ZNF610: variants seen among roughly 807,000 people sequenced by gnomAD.
ZNF610 encodes the protein zinc finger protein 610.
A neutral mutation model predicts 14.1 loss-of-function variants in ZNF610; 14 were observed. The ratio of observed to expected loss-of-function variants is 0.99; its 90% CI spans 0.65 to 1.55. ZNF610 has a LOEUF of 1.55. Ranked by LOEUF, ZNF610 falls within the 40% of genes most tolerant of loss-of-function variation. The pLI is 0.00. For synonymous variants in ZNF610, 185 were observed against 187.6 expected, an observed-to-expected ratio of 0.99 and a Z score of 0.11; for missense variants, 530 against 558.0, an observed-to-expected ratio of 0.95 and a Z score of 0.51.
In ZNF610 at chr19:52,353,820, T is replaced by C; in HGVS notation, c.190+12T>C. ...CCTGGTCTTTCTGGGTGAGGATGAC[T>C]TCCCTCCAGAAGCCGGGATCTGCTC... is the stretch of plus-strand genomic sequence containing the variant. On this transcript the variant is annotated intron_variant, in intron 4 of 5. Transcript: ENST00000403906. The C allele has an allele frequency of 6.2e-7, 1 of 1,606,462 alleles. No homozygotes were observed. The highest frequency in any genetic ancestry group is 8.5e-7 in the Non-Finnish European group (1 of 1,177,738).
At position 52,352,379 on chromosome 19, in the gene ZNF610, C is replaced by T. The variant is rs573435538; in HGVS notation, c.64-1303C>T. 3.9e-5 allele frequency among the ~76,000 whole-genome samples: 6 copies of T among 152,202 alleles called. No individual in the cohort carries two copies. The East Asian group carries it at 5.8e-4, about 15-fold the overall frequency. ...TCAGCCTCCTGAGTAGCTGGGATTA[C>T]AGGCATGTGCCACCACGCCTGGCTA... On this transcript the variant is annotated intron_variant, in intron 3 of 5. Coordinates refer to ENST00000403906, the MANE Select transcript of ZNF610 (RefSeq NM_001161425.2).
chr19:52,346,096 T>G (rs1984941832), intron 1 of ZNF610, among the ~76,000 whole-genome samples: 1 of 151,450 alleles, frequency 6.6e-6, no homozygotes, highest in African/African-American at 2.5e-5. Context: ...CTTTCTGGGT[T>G]CAAGCGATTC....
rs576469716 is a variant in ZNF610 at position 52,340,541 on chromosome 19, T to C, written c.-258+4035T>C. On this transcript the variant is annotated intron_variant, in intron 1 of 5. Transcript: ENST00000403906. ...GCCTGTGATGTCTACTCAATAGTGATGGAATGATCTGTCCCTGCTCCTGGC... is the reference window on the plus strand; with the variant it reads ...GCCTGTGATGTCTACTCAATAGTGACGGAATGATCTGTCCCTGCTCCTGGC... Among the ~76,000 whole-genome samples the C allele has an allele frequency of 1.2e-4, 19 of 152,240 alleles. No individual in the cohort carries two copies. In the East Asian group the frequency reaches 3.3e-3, roughly 26 times the overall value.
At chr19:52,355,485 T>G (rs1985479741) in intron 5 of ZNF610, among the ~76,000 whole-genome samples, 1 of 152,224 alleles carries the variant, frequency 6.6e-6, no homozygotes, top group Admixed American at 6.5e-5. Flanking sequence ...CCAAAATGTG[T>G]GGGGATTTCT....
upstream of ZNF610, chr19:52,336,197 CG>C (rs1325899901): frequency 5.5e-6 from 1 of 182,472 alleles, no homozygotes; most frequent in Non-Finnish European, 1.1e-5. Context: ...AGCCCCGCCC[CG>C]TCCCGTCCCG....
upstream of ZNF610, among the ~76,000 whole-genome samples, chr19:52,335,647 A>G (rs530559936): frequency 6.6e-6 from 1 of 152,160 alleles, no homozygotes; most frequent in African/African-American, 2.4e-5. Context: ...GACGGGCTTA[A>G]CCTCCCAGCC....
At chr19:52,338,761 C>T (rs958228303) in intron 1 of ZNF610, among the ~76,000 whole-genome samples, 2 of 151,988 alleles carry the variant, frequency 1.3e-5, no homozygotes, top group South Asian at 2.1e-4. Flanking sequence ...TGTGCACTGG[C>T]GCGATATTGG....
At chr19:52,335,853 CTTAT>C (rs1568642634), upstream of ZNF610, among the ~76,000 whole-genome samples, 2 of 151,986 alleles carry the variant, frequency 1.3e-5, no homozygotes, top group African/African-American at 2.4e-5. Context: ...TTTTTATTTA[CTTAT>C]TTATTTTAGG....
chr19:52,344,415 G>C (rs897103810), intron 1 of ZNF610, among the ~76,000 whole-genome samples: 1 of 151,952 alleles, frequency 6.6e-6, no homozygotes, highest in African/African-American at 2.4e-5. Context: ...CCCTTTTCCT[G>C]CCACTGTCTG....
intron 1 of ZNF610, among the ~76,000 whole-genome samples, chr19:52,337,062 G>A (rs1311503509): frequency 1.3e-5 from 2 of 152,188 alleles, no homozygotes; most frequent in African/African-American, 4.8e-5. Context: ...GAATGAAGCC[G>A]AGAATGTAGC....
chr19:52,350,709 A>G (rs1477864875), intron 3 of ZNF610, among the ~76,000 whole-genome samples: 6 of 151,946 alleles, frequency 3.9e-5, no homozygotes, highest in Non-Finnish European at 8.8e-5. Context: ...AAACCTATAC[A>G]GCATTATAAG....
At chr19:52,350,988 A>G (rs321951) in intron 3 of ZNF610, among the ~76,000 whole-genome samples, 125,068 of 152,120 alleles carry the variant, frequency 0.82, 51,628 homozygotes, top group South Asian at 0.89. Context: ...AAACAAGAGC[A>G]AAACTCCAAA....
chr19:52,354,580 A>ATTTTTTTTTTTTTTTTTTTTTTTT (rs201439857), intron 5 of ZNF610, among the ~76,000 whole-genome samples: 2 of 123,588 alleles, frequency 1.6e-5, no homozygotes, highest in Non-Finnish European at 3.4e-5. Flanking sequence ...AAGCCATACT[A>ATTTTTTTTTTTTTTTTTTTTTTTT]TTTTTTTTTT....
intron 3 of ZNF610, among the ~76,000 whole-genome samples, chr19:52,351,470 G>A (rs1985247243): frequency 1.3e-5 from 2 of 151,226 alleles, no homozygotes; most frequent in African/African-American, 4.9e-5. Flanking sequence ...AAAAAAAAAA[G>A]AAAGAAATCA....
At chr19:52,355,694 A>C (rs566416514) in intron 5 of ZNF610, among the ~76,000 whole-genome samples, 1 of 152,214 alleles carries the variant, frequency 6.6e-6, no homozygotes, top group African/African-American at 2.4e-5. Flanking sequence ...GGTTCCCTCG[A>C]CTCCCTTCTT....
chr19:52,354,889 A>C (rs940258629), intron 5 of ZNF610, among the ~76,000 whole-genome samples: 2 of 152,024 alleles, frequency 1.3e-5, no homozygotes, highest in African/African-American at 4.8e-5. Flanking sequence ...CATACTAACT[A>C]TTCAAGAGTG....
intron 5 of ZNF610, among the ~76,000 whole-genome samples, chr19:52,365,082 C>G (rs1300172964): frequency 6.6e-6 from 1 of 152,028 alleles, no homozygotes; most frequent in East Asian, 1.9e-4. Context: ...CCCGTCTCTA[C>G]TAAAAATACA....
At chr19:52,353,537 C>T (rs1985361629) in intron 3 of ZNF610, 145 bp from the exon 4 acceptor site, 2 of 862,636 alleles carry the variant, frequency 2.3e-6, no homozygotes, top group African/African-American at 1.7e-5. Context: ...TGAATGTGAA[C>T]ATTTACTAGA....
chr19:52,331,020 C>T, the ZNF610 span, among the ~76,000 whole-genome samples: 4 of 152,128 alleles, frequency 2.6e-5, no homozygotes, highest in Non-Finnish European at 4.4e-5. Flanking sequence ...ACTCCACCTC[C>T]AAGGAGGTGG....
Sources: allele counts gnomAD v4.1 joint callset (sites outside exome capture counted in the v4.1 genomes callset), GRCh38; gene constraint gnomAD v4.1.1; transcripts MANE v1.5; gene names NCBI Gene and HGNC (gene_info 2026-07-23, HGNC 2026-07-21).